MTNR1A: variants seen among roughly 807,000 people sequenced by gnomAD.
MTNR1A encodes melatonin receptor 1A, also known as melatonin receptor type 1A.
In MTNR1A, 7 loss-of-function variants were observed where a neutral mutation model predicts 5.5. That is an observed-to-expected ratio of 1.28 (90% confidence interval 0.73 to 2.40). MTNR1A has a LOEUF of 2.40. Among genes scored for constraint, MTNR1A ranks in the 30% most tolerant of loss-of-function variants. The probability of loss-of-function intolerance (pLI) is 0.00; values close to 1 mark genes in which losing one functional copy is unlikely to be tolerated. For synonymous variants in MTNR1A, 196 were observed against 202.7 expected (o/e 0.97, Z 0.28); for missense variants, 441 against 464.4 (o/e 0.95, Z 0.46).
intron 1 of MTNR1A, among the ~76,000 whole-genome samples, chr4:186,543,789 A>G (rs1737079162): frequency 6.6e-6 from 1 of 152,188 alleles, no homozygotes; most frequent in Non-Finnish European, 1.5e-5. Context: ...TGGAAGCATA[A>G]TTTTGATGTT....
chr4:186,545,217 A>T (rs1010541369), intron 1 of MTNR1A, among the ~76,000 whole-genome samples: 1 of 152,118 alleles, frequency 6.6e-6, no homozygotes, highest in Non-Finnish European at 1.5e-5. Context: ...TAAAGAGGTC[A>T]CTGGCTTCTA....
Position 186,534,278 on chromosome 4 carries a change from G to GT in MTNR1A, c.463dup (p.Thr155AsnfsTer70). Reference sequence around the variant, plus strand: ...GAGGTTGGGCAGGACGGCCGCCAGCGTCAGGAGCCATATGAGGAGCACGTA... The same window carrying GT: ...GAGGTTGGGCAGGACGGCCGCCAGCGTTCAGGAGCCATATGAGGAGCACGTA... On this transcript the variant is annotated frameshift_variant, in exon 2 of 2. Transcript: ENST00000307161. LOFTEE classifies it low-confidence loss of function (END_TRUNC). 6.2e-7 allele frequency: 1 copy of GT among 1,614,188 alleles called. No individual in the cohort carries two copies. The highest frequency in any genetic ancestry group is 8.5e-7 in the Non-Finnish European group (1 of 1,180,034).
At position 186,555,151 on chromosome 4, in the gene MTNR1A, G is replaced by T; in HGVS notation, c.184+31C>A. The T allele has an allele frequency of 2.5e-6, 4 of 1,575,230 alleles. No homozygotes were observed. The highest frequency in any genetic ancestry group is 3.4e-6 in the Non-Finnish European group (4 of 1,160,258). ...CGCGGAGAGGCGCTGCGTCCGGAGC[G>T]CTGGCCCAGGGGAGGCGGCGCGGGC... On this transcript the variant is annotated intron_variant, in intron 1 of 1. Transcript: ENST00000307161. The surrounding 1 kb of genome is among the most constrained non-coding windows in gnomAD (Gnocchi z 4.1).
chr4:186,543,976 G>C (rs970966681), intron 1 of MTNR1A, among the ~76,000 whole-genome samples: 8 of 152,090 alleles, frequency 5.3e-5, no homozygotes, highest in Non-Finnish European at 4.4e-5. Flanking sequence ...TTTTGTATAA[G>C]ATTTGGAAGG....
At chr4:186,538,296 G>A (rs114378827) in intron 1 of MTNR1A, among the ~76,000 whole-genome samples, 1 of 152,350 alleles carries the variant, frequency 6.6e-6, no homozygotes, top group African/African-American at 2.4e-5. Flanking sequence ...TCAACTTCGC[G>A]AAGCTGAAAA....
rs1737351541 is a variant in MTNR1A, at chr4:186,555,425, C to G, written c.-60G>C. ...CCCGCCTCGTCCGCCCGCCCGACCA[C>G]TTGTTAAGGCTCCGCCCGGCGCTCC... On this transcript the variant is annotated 5_prime_UTR_variant, in exon 1 of 2. Coordinates refer to ENST00000307161, the MANE Select transcript of MTNR1A (RefSeq NM_005958.4). The surrounding 1 kb of genome is among the most constrained non-coding windows in gnomAD (Gnocchi z 4.1). The G allele has an allele frequency of 2.3e-6, 3 of 1,293,370 alleles. No homozygotes were observed. The highest frequency in any genetic ancestry group is 3.1e-5 in the African/African-American group (2 of 63,704). The allele number at this position is 1,293,370 out of a possible 1,614,324, so 80.1% of individuals were successfully genotyped here. A position where few individuals can be genotyped will look rare whatever the true frequency, so the allele number is the denominator to read the frequency against.
At position 186,555,226 on chromosome 4, in the gene MTNR1A, A is replaced by T. The variant is rs769977247; in HGVS notation, c.140T>A (p.Leu47Gln). The change falls in exon 1 of 2, where the codon CTG becomes CAG. Residue 47 changes from leucine (L) to glutamine (Q), a missense_variant. Leu to Gln is a moderately radical substitution (Grantham distance 113). Coordinates refer to ENST00000307161, the MANE Select transcript of MTNR1A (RefSeq NM_005958.4). This position sits in a 1 kb window ranked among gnomAD's most constrained non-coding sequence, Gnocchi z 4.1. ...GTTCCGATACACCGACAGGATGACC[A>T]GGAGGTTGCCCAGGATGTCCACCAC... ...TIVVDILGNL[L>Q]VILSVYRNKK... The T allele has an allele frequency of 6.3e-7, 1 of 1,589,730 alleles. No homozygotes were observed. The highest frequency in any genetic ancestry group is 1.8e-5 in the Admixed American group (1 of 56,802).
At chr4:186,539,839 T>G (rs73022801) in intron 1 of MTNR1A, among the ~76,000 whole-genome samples, 1 of 152,336 alleles carries the variant, frequency 6.6e-6, no homozygotes, top group African/African-American at 2.4e-5. Context: ...GGGCTTGAAT[T>G]GTTTATAGGG....
At chr4:186,539,050 C>T (rs1448033563) in intron 1 of MTNR1A, among the ~76,000 whole-genome samples, 2 of 151,934 alleles carry the variant, frequency 1.3e-5, no homozygotes, top group Non-Finnish European at 2.9e-5. Context: ...AACCCCATCT[C>T]TACTAAAAAT....
At chr4:186,550,059 T>A (rs1201994466) in intron 1 of MTNR1A, among the ~76,000 whole-genome samples, 1 of 152,214 alleles carries the variant, frequency 6.6e-6, no homozygotes, top group Non-Finnish European at 1.5e-5. Context: ...TACAGCTCTG[T>A]AGAAAGACAA....
At chr4:186,553,024 G>C (rs1256791901) in intron 1 of MTNR1A, among the ~76,000 whole-genome samples, 1 of 152,196 alleles carries the variant, frequency 6.6e-6, no homozygotes, top group Non-Finnish European at 1.5e-5. Flanking sequence ...CCCTTGAGGA[G>C]AGGAAGGTGG....
intron 1 of MTNR1A, among the ~76,000 whole-genome samples, chr4:186,545,272 G>A (rs980634052): frequency 6.6e-6 from 1 of 152,138 alleles, no homozygotes; most frequent in African/African-American, 2.4e-5. Flanking sequence ...ACAGACACGA[G>A]CCAACCATAC....
rs765762273 is a variant in MTNR1A at position 186,534,385 on chromosome 4, G to A, written c.357C>T (p.Thr119=). 19 of 1,613,998 alleles carry A rather than the reference G, an allele frequency of 1.2e-5. No individual in the cohort carries two copies. The highest frequency in any genetic ancestry group is 2.2e-5 in the East Asian group (1 of 44,878). Residue 119 remains threonine, a synonymous_variant, in exon 2 of 2, where the codon ACC becomes ACT. Coordinates refer to ENST00000307161, the MANE Select transcript of MTNR1A (RefSeq NM_005958.4). ...AGCAGTAGCGGTTGATGGCGATGCC[G>A]GTGATGTTGAATATGGAGCCGATGA... is the stretch of plus-strand genomic sequence containing the variant. The part of the protein sequence containing the change: ...LSVIGSIFNI[T]GIAINRYCYI...
chr4:186,549,380 A>C (rs2111385810), intron 1 of MTNR1A, among the ~76,000 whole-genome samples: 1 of 152,332 alleles, frequency 6.6e-6, no homozygotes, highest in South Asian at 2.1e-4. Context: ...AAAGACCTGA[A>C]GCCAGTGTGT....
chr4:186,554,647 C>T (rs1579258262), intron 1 of MTNR1A, among the ~76,000 whole-genome samples: 1 of 152,324 alleles, frequency 6.6e-6, no homozygotes, highest in Admixed American at 6.5e-5. Flanking sequence ...AAAGTGTCAA[C>T]TTGTTTACTT....
At chr4:186,537,371 T>A (rs747888836) in intron 1 of MTNR1A, among the ~76,000 whole-genome samples, 1 of 152,196 alleles carries the variant, frequency 6.6e-6, no homozygotes, top group Non-Finnish European at 1.5e-5. Flanking sequence ...CATTATAAGT[T>A]CATCTATTCC....
rs372744863 is a variant in MTNR1A, at chr4:186,534,000, C to G, written c.742G>C (p.Ala248Pro). 1.2e-6 allele frequency: 2 copies of G among 1,613,992 alleles called. No individual in the cohort carries two copies. Among genetic ancestry groups the G allele is most frequent in the Non-Finnish European group, 1.7e-6 (2 of 1,180,022 alleles). Reference protein sequence around the residue: ...VTMFVVFVLFAICWAPLNFIG... With the variant: ...VTMFVVFVLFPICWAPLNFIG... ...AAGTTCAGAGGAGCCCAGCAAATGG[C>G]AAAAAGGACAAAAACCACAAACATG... Residue 248 changes from alanine (A) to proline (P), a missense_variant, in exon 2 of 2, where the codon GCC becomes CCC. Coordinates refer to ENST00000307161, the MANE Select transcript of MTNR1A (RefSeq NM_005958.4).
chr4:186,539,511 T>C lies in MTNR1A; in HGVS notation c.185-4954A>G, dbSNP rs560421741. Among the ~76,000 whole-genome samples the C allele has an allele frequency of 2.6e-5, 4 of 152,286 alleles. No individual in the cohort carries two copies. In the East Asian group the frequency reaches 5.8e-4, roughly 22 times the overall value. On this transcript the variant is annotated intron_variant, in intron 1 of 1. Transcript: ENST00000307161. ...ACACTTAATCGCCAATGTGATAGTA[T>C]TGAGAGGTGGGGCCTTTAGGAAGCC...
intron 1 of MTNR1A, among the ~76,000 whole-genome samples, chr4:186,541,355 T>C (rs1040651018): frequency 3.3e-5 from 5 of 152,142 alleles, no homozygotes. Flanking sequence ...TCTGCACTGA[T>C]TAATGGGCAG....
Sources: allele counts gnomAD v4.1 joint callset (sites outside exome capture counted in the v4.1 genomes callset), GRCh38; gene constraint gnomAD v4.1.1; non-coding constraint Gnocchi (gnomAD v3.1); transcripts MANE v1.5; gene names NCBI Gene and HGNC (gene_info 2026-07-23, HGNC 2026-07-21).